The following COCH variants were observed in gnomAD, a reference collection of about 807,000 sequenced individuals.
COCH encodes cochlin, also known as coagulation factor C homolog, cochlin (Limulus polyphemus).
COCH carries 40 observed loss-of-function variants against 54.8 expected under a neutral mutation model. The ratio of observed to expected loss-of-function variants is 0.73; its 90% confidence interval spans 0.57 to 0.95. The LOEUF (loss-of-function observed/expected upper bound fraction) is 0.95. Among genes scored for constraint, COCH ranks in the 40% least tolerant of loss-of-function variants. The probability of loss-of-function intolerance (pLI) is 0.00; values close to 1 mark genes in which losing one functional copy is unlikely to be tolerated. For missense variants in COCH, 605 were observed against 675.0 expected (o/e 0.90, Z 1.15); for synonymous variants, 256 against 237.9 (o/e 1.08, Z -0.70).
downstream of COCH, among the ~76,000 whole-genome samples, chr14:30,893,582 A>T (rs1896049534): frequency 6.6e-6 from 1 of 152,210 alleles, no homozygotes; most frequent in Non-Finnish European, 1.5e-5. Context: ...AGATTTAATA[A>T]TGTAACAGGA....
At chr14:30,879,540 G>A (rs954796649) in intron 6 of COCH, 55 bp downstream of exon 6, 27 of 1,557,134 alleles carry the variant, frequency 1.7e-5, no homozygotes, top group Non-Finnish European at 2.4e-5. Context: ...TGGAAGTTAT[G>A]AATAAACGTG....
intron 8 of COCH, 171 bp from the exon 9 acceptor site, chr14:30,884,382 A>G (rs562120739): frequency 9.7e-5 from 59 of 605,756 alleles, no homozygotes; most frequent in Non-Finnish European, 1.4e-4. Flanking sequence ...CACCTCTGAA[A>G]TATCTCCAAT....
rs750476421 is a variant in COCH at position 30,880,433 on chromosome 14, A to G, written c.437-19A>G. 1.2e-6 allele frequency: 2 copies of G among 1,613,452 alleles called. No individual in the cohort carries two copies. The highest frequency in any genetic ancestry group is 1.7e-6 in the Non-Finnish European group (2 of 1,179,620). ...AACTGTCTTCCTTTTGTTAATGCCA[A>G]GTGCATCTTTTATTTCAGGTAAACG... On this transcript the variant is annotated intron_variant, in intron 6 of 11. Transcript: ENST00000396618.
At chr14:30,878,077 A>AT (rs1161935956) in intron 4 of COCH, among the ~76,000 whole-genome samples, 1 of 152,222 alleles carries the variant, frequency 6.6e-6, no homozygotes, top group Non-Finnish European at 1.5e-5. Context: ...CCAGTTACAG[A>AT]TGAAGAAACT....
chr14:30,887,703 C>G (rs957031534), intron 11 of COCH, among the ~76,000 whole-genome samples: 1 of 152,048 alleles, frequency 6.6e-6, no homozygotes, highest in Non-Finnish European at 1.5e-5. Context: ...ATGACATAAC[C>G]TTTTTCCTTT....
rs963856688 is a variant in COCH at position 30,890,085 on chromosome 14, G to A, written c.*294G>A. ...AGAGTTCTAACCATGCCTACTAAAT[G>A]TACAGATATGCAAATTCCATAGCTC... is the stretch of plus-strand genomic sequence containing the variant. On this transcript the variant is annotated 3_prime_UTR_variant, in exon 12 of 12. Transcript: ENST00000396618. 1.9e-6 allele frequency: 2 copies of A among 1,072,208 alleles called. No homozygotes were observed. The highest frequency in any genetic ancestry group is 2.3e-6 in the Non-Finnish European group (2 of 883,150). The allele number at this position is 1,072,208 out of a possible 1,614,324, so 66.4% of individuals were successfully genotyped here.
chr14:30,880,966 C>T (rs912729507), intron 8 of COCH, among the ~76,000 whole-genome samples: 1 of 152,070 alleles, frequency 6.6e-6, no homozygotes, highest in African/African-American at 2.4e-5. Flanking sequence ...GTAATTCCAG[C>T]ACTTTGGAGG....
At position 30,879,670 on chromosome 14, in the gene COCH, G is replaced by T. The variant is rs7140538; in HGVS notation, c.436+185G>T. On this transcript the variant is annotated intron_variant, in intron 6 of 11. Transcript: ENST00000396618. ...ATTATGTGTATATTTTAAAGACAGGGTCTCACTCTGTTGCTCAGGCTGGAG... is the reference window on the plus strand; with the variant it reads ...ATTATGTGTATATTTTAAAGACAGGTTCTCACTCTGTTGCTCAGGCTGGAG... 0.058 allele frequency among the ~76,000 whole-genome samples: 8,767 copies of T among 152,164 alleles called. 406 individuals are homozygous for T. The highest frequency in any genetic ancestry group is 0.25 in the East Asian group (1,315 of 5,168).
At chr14:30,892,073 G>C (rs1362312993), downstream of COCH, among the ~76,000 whole-genome samples, 1 of 151,096 alleles carries the variant, frequency 6.6e-6, no homozygotes, top group Admixed American at 6.7e-5. Flanking sequence ...AACTATTGAA[G>C]AAATCAACAT....
chr14:30,895,378 GC>G (rs779508565), downstream of COCH: 3 of 1,569,750 alleles, frequency 1.9e-6, no homozygotes, highest in Non-Finnish European at 2.6e-6. Context: ...TTCTGTCCAA[GC>G]AAATCTTGTT....
At chr14:30,878,757 G>A (rs1895462585) in intron 4 of COCH, 54 bp from the exon 5 acceptor site, 1 of 1,613,290 alleles carries the variant, frequency 6.2e-7, no homozygotes, top group Non-Finnish European at 8.5e-7. Context: ...ATAAGTCAGT[G>A]GGATGCCCTG....
At chr14:30,883,664 A>T (rs1216100239) in intron 8 of COCH, among the ~76,000 whole-genome samples, 1 of 152,194 alleles carries the variant, frequency 6.6e-6, no homozygotes, top group African/African-American at 2.4e-5. Context: ...TAATGCTAAG[A>T]TCTTAAATTT....
At position 30,877,038 on chromosome 14, in the gene COCH, ACTCAAGCAAATC is replaced by A. The variant is rs1297970889; in HGVS notation, c.83-530_83-519del. Among the ~76,000 whole-genome samples the A allele has an allele frequency of 4.6e-5, 7 of 151,892 alleles. No individual in the cohort carries two copies. Among genetic ancestry groups the A allele is most frequent in the African/African-American group, 7.3e-5 (3 of 41,338 alleles). On this transcript the variant is annotated intron_variant, in intron 3 of 11. Coordinates refer to ENST00000396618, the MANE Select transcript of COCH (RefSeq NM_004086.3). The surrounding 1 kb of genome is among the most constrained non-coding windows in gnomAD (Gnocchi z 8.6). ...GTCCAGACTGGTCTTGACCTCCTGG[ACTCAAGCAAATC>A]CTCTTGTCTTGGCCTGCTAAAGTGC...
Position 30,882,006 on chromosome 14 carries a change from TATTA to T in COCH, c.629+1276_629+1279del, listed in dbSNP as rs976518183. On this transcript the variant is annotated intron_variant, in intron 8 of 11. Transcript: ENST00000396618. ...ATAAATAAATAAATAAATATTTATTTATTAATTGCTTTTAGAAATAGAATATGCT... is the reference window on the plus strand; with the variant it reads ...ATAAATAAATAAATAAATATTTATTTATTGCTTTTAGAAATAGAATATGCT... Among the ~76,000 whole-genome samples the T allele has an allele frequency of 1.6e-4, 24 of 150,588 alleles. 1 individual carries two copies. Among genetic ancestry groups the T allele is most frequent in the African/African-American group, 5.6e-4 (23 of 41,088 alleles).
intron 10 of COCH, 64 bp downstream of exon 10, chr14:30,885,684 A>T (rs1014408161): frequency 3.4e-6 from 5 of 1,471,372 alleles, no homozygotes; most frequent in Non-Finnish European, 4.8e-6. Flanking sequence ...CTCTAAGTGC[A>T]GTGCTGACTG....
At chr14:30,889,091 A>T (rs1301612522) in intron 11 of COCH, 1 of 154,592 alleles carries the variant, frequency 6.5e-6, no homozygotes, top group Non-Finnish European at 1.4e-5. Context: ...TTATCAGAGG[A>T]CTAGTCACCA....
chr14:30,894,893 C>CTTT (rs34255465), downstream of COCH: 516 of 740,832 alleles, frequency 7.0e-4, no homozygotes, highest in Middle Eastern at 1.3e-3. Context: ...TTTTCTTTTT[C>CTTT]TTTTTTTTTT....
At chr14:30,879,122 TG>T (rs1431902545) in intron 5 of COCH, among the ~76,000 whole-genome samples, 178 bp downstream of exon 5, 2 of 152,174 alleles carry the variant, frequency 1.3e-5, no homozygotes, top group Non-Finnish European at 2.9e-5. Context: ...AAGCCAAATT[TG>T]GGTGAATAGA....
At chr14:30,878,545 T>C (rs1895453373) in intron 4 of COCH, among the ~76,000 whole-genome samples, 1 of 152,060 alleles carries the variant, frequency 6.6e-6, no homozygotes, top group Non-Finnish European at 1.5e-5. Flanking sequence ...TAATCCCAGC[T>C]ACTTGGGAGG....
Sources: allele counts gnomAD v4.1 joint callset (sites outside exome capture counted in the v4.1 genomes callset), GRCh38; gene constraint gnomAD v4.1.1; non-coding constraint Gnocchi (gnomAD v3.1); transcripts MANE v1.5; gene names NCBI Gene and HGNC (gene_info 2026-07-23, HGNC 2026-07-21).